PYGB: variants seen among roughly 807,000 people sequenced by gnomAD.
The protein encoded by PYGB is glycogen phosphorylase, brain form.
Under a neutral mutation model 94.3 loss-of-function variants are expected in PYGB, and 82 were observed. The observed-to-expected ratio is 0.87, with a 90% CI of 0.73 to 1.04. The LOEUF (loss-of-function observed/expected upper bound fraction) is 1.04. Among genes scored for constraint, PYGB ranks in the 50% least tolerant of loss-of-function variants. The pLI is 0.00. For synonymous variants in PYGB, 488 were observed against 479.1 expected (o/e 1.02, Z -0.24); for missense variants, 1,132 against 1,158.2 (o/e 0.98, Z 0.33).
At chr20:25,281,242 A>G (rs2123574059) in intron 11 of PYGB, 130 bp downstream of exon 11, 3 of 1,266,854 alleles carry the variant, frequency 2.4e-6, no homozygotes, top group Non-Finnish European at 1.1e-6. Context: ...CTGCCTCCAT[A>G]GGAATGACAG....
intron 2 of PYGB, among the ~76,000 whole-genome samples, chr20:25,264,778 G>A (rs574725977): frequency 2.6e-5 from 4 of 152,248 alleles, no homozygotes; most frequent in East Asian, 3.9e-4. Flanking sequence ...AATAAAGGAC[G>A]ACACAAACAA....
intron 1 of PYGB, among the ~76,000 whole-genome samples, chr20:25,257,762 G>A (rs1407693320): frequency 1.3e-5 from 2 of 152,106 alleles, no homozygotes; most frequent in African/African-American, 4.8e-5. Context: ...GTTAATACTT[G>A]ACCCACAGTA....
chr20:25,259,573 G>A (rs1439334748), intron 2 of PYGB, among the ~76,000 whole-genome samples: 3 of 152,156 alleles, frequency 2.0e-5, no homozygotes, highest in Non-Finnish European at 2.9e-5. Flanking sequence ...ATTGGGATGC[G>A]AAGGTGTGGA....
chr20:25,270,940 A>G (rs898798680), intron 3 of PYGB, among the ~76,000 whole-genome samples: 7 of 152,222 alleles, frequency 4.6e-5, no homozygotes, highest in African/African-American at 1.7e-4. Flanking sequence ...ATTGATTTGT[A>G]TGCAGCCAGC....
In PYGB at chr20:25,271,136, C is replaced by T. The variant is rs79305978; in HGVS notation, c.425-247C>T. ...TGCTTGGAGAGGTTCCAGGCCTGGC[C>T]GAGTTCTCTAGGATTCTTCATCCCC... is the stretch of plus-strand genomic sequence containing the variant. On this transcript the variant is annotated intron_variant, in intron 3 of 19. Coordinates refer to ENST00000216962, the MANE Select transcript of PYGB (RefSeq NM_002862.4). 1.9e-3 allele frequency among the ~76,000 whole-genome samples: 296 copies of T among 152,186 alleles called. 10 individuals are homozygous for T. The East Asian group carries it at 0.054, about 28-fold the overall frequency.
At position 25,283,176 on chromosome 20, in the gene PYGB, A is replaced by C. The variant is rs760114974; in HGVS notation, c.1519A>C (p.Lys507Gln). 6.2e-7 allele frequency: 1 copy of C among 1,612,474 alleles called. No individual in the cohort carries two copies. Among genetic ancestry groups the C allele is most frequent in the South Asian group, 1.1e-5 (1 of 91,058 alleles). ...TGAGCGGAACCTTTACGTTCTCCAG[A>C]AAATTGGGGAGGAGTTCCTGACTGA... ...NPGLADTIVE[K>Q]IGEEFLTDLS... is the part of the protein sequence containing the mutation. The change falls in exon 13 of 20, where the codon AAA (lysine) becomes CAA (glutamine). Residue 507 changes from lysine (K) to glutamine (Q), a missense_variant and splice_region_variant. By Grantham distance (53) the Lys-to-Gln change is moderately conservative. Transcript: ENST00000216962.
intron 4 of PYGB, among the ~76,000 whole-genome samples, chr20:25,271,858 C>G (rs956792568): frequency 6.6e-6 from 1 of 152,228 alleles, no homozygotes; most frequent in Non-Finnish European, 1.5e-5. Flanking sequence ...GTGGTACTTT[C>G]GGGGTCAGCC....
At chr20:25,294,136 C>T (rs759490142) in intron 17 of PYGB, 22 bp from the exon 18 acceptor site, 1 of 1,611,892 alleles carries the variant, frequency 6.2e-7, no homozygotes, top group Admixed American at 1.7e-5. Flanking sequence ...TGGCTGCTGA[C>T]TCCTGGCCCA....
At chr20:25,296,271 G>A (rs1267290829) in intron 19 of PYGB, 99 bp from the exon 20 acceptor site, 1 of 1,458,038 alleles carries the variant, frequency 6.9e-7, no homozygotes, top group African/African-American at 1.4e-5. Context: ...CCAAGGCTCG[G>A]AGCTCATTTG....
intron 11 of PYGB, among the ~76,000 whole-genome samples, chr20:25,281,741 G>A (rs1405666240): frequency 6.6e-6 from 1 of 152,174 alleles, no homozygotes; most frequent in African/African-American, 2.4e-5. Context: ...GTCATGACTT[G>A]GACACCTGTT....
rs775663927 is a variant in PYGB at position 25,294,146 on chromosome 20, A to G, written c.2178-12A>G. On this transcript the variant is annotated splice_polypyrimidine_tract_variant and intron_variant, in intron 17 of 19. Coordinates refer to ENST00000216962, the MANE Select transcript of PYGB (RefSeq NM_002862.4). Reference sequence around the variant, plus strand: ...GGCGCTGGCTGCTGACTCCTGGCCCATCGCCTCACAGGTACAATGCCAGGG... The same window carrying G: ...GGCGCTGGCTGCTGACTCCTGGCCCGTCGCCTCACAGGTACAATGCCAGGG... 8 of 1,612,920 alleles carry G rather than the reference A, an allele frequency of 5.0e-6. No homozygotes were observed. In the East Asian group the frequency reaches 6.7e-5, roughly 13 times the overall value.
chr20:25,282,030 C>A lies in PYGB; in HGVS notation c.1404-3C>A, dbSNP rs746333463. On this transcript the variant is annotated splice_region_variant and splice_polypyrimidine_tract_variant and intron_variant, in intron 11 of 19. Coordinates refer to ENST00000216962, the MANE Select transcript of PYGB (RefSeq NM_002862.4). ...GACAGTTCCCTGTTCTCTGTGTTTG[C>A]AGCTTTAAGGATTTTTATGAACTGG... is the stretch of plus-strand genomic sequence containing the variant. The A allele has an allele frequency of 2.5e-6, 4 of 1,604,526 alleles. No individual in the cohort carries two copies. Among genetic ancestry groups the A allele is most frequent in the Non-Finnish European group, 3.4e-6 (4 of 1,171,370 alleles).
intron 6 of PYGB, 74 bp downstream of exon 6, chr20:25,276,831 T>G: frequency 7.3e-7 from 1 of 1,373,692 alleles, no homozygotes; most frequent in Non-Finnish European, 1.0e-6. Context: ...CCACAGCCTT[T>G]ACCGCGCCCT....
chr20:25,269,245 G>T (rs200237845), intron 3 of PYGB, 38 bp downstream of exon 3: 23 of 1,499,602 alleles, frequency 1.5e-5, no homozygotes, highest in Admixed American at 3.7e-5. Context: ...TCTCGGACCC[G>T]TTGGCTTGGT....
At chr20:25,256,681 C>T (rs1229437088) in intron 1 of PYGB, among the ~76,000 whole-genome samples, 1 of 152,180 alleles carries the variant, frequency 6.6e-6, no homozygotes, top group Non-Finnish European at 1.5e-5. Context: ...TTGGCATTTT[C>T]AGGCTGAAGC....
At chr20:25,255,041 C>G (rs1402830157) in intron 1 of PYGB, among the ~76,000 whole-genome samples, 1 of 152,228 alleles carries the variant, frequency 6.6e-6, no homozygotes, top group Non-Finnish European at 1.5e-5. Context: ...AGCCTGCCCA[C>G]TGTTCATGGG....
chr20:25,293,796 G>A (rs372842372), intron 17 of PYGB: 25 of 302,786 alleles, frequency 8.3e-5, no homozygotes, highest in East Asian at 2.0e-4. Flanking sequence ...CCCTCCGGCC[G>A]TCTGTTTTTC....
chr20:25,262,851 G>T (rs1285160494), intron 2 of PYGB, among the ~76,000 whole-genome samples: 1 of 151,976 alleles, frequency 6.6e-6, no homozygotes, highest in Admixed American at 6.6e-5. Context: ...AACCAACAAA[G>T]ATCAAAAGAG....
intron 1 of PYGB, among the ~76,000 whole-genome samples, chr20:25,252,383 T>G (rs1485928422): frequency 6.6e-6 from 1 of 152,130 alleles, no homozygotes. Flanking sequence ...GGGGTGGTGT[T>G]TCCCACACTG....
Sources: gnomAD v4.1 joint callset for allele counts (sites outside exome capture counted in the v4.1 genomes callset) on GRCh38, gnomAD v4.1.1 for gene constraint, MANE v1.5 for transcripts, NCBI Gene and HGNC (gene_info 2026-07-23, HGNC 2026-07-21) for gene names.